The following ASL variants were observed in gnomAD, a reference collection of about 807,000 sequenced individuals.
The protein encoded by ASL is argininosuccinase.
ASL carries 51 observed loss-of-function variants against 69.1 expected under a neutral mutation model. That is an observed-to-expected ratio of 0.74 (90% confidence interval 0.59 to 0.93). The LOEUF (loss-of-function observed/expected upper bound fraction) is 0.93, where lower values mean the gene tolerates loss of function less well. Ranked by LOEUF, ASL falls within the 40% of genes least tolerant of loss-of-function variation. The probability of loss-of-function intolerance (pLI) is 0.00; values close to 1 mark genes in which losing one functional copy is unlikely to be tolerated. For synonymous variants in ASL, 241 were observed against 247.6 expected (o/e 0.97, Z 0.25); for missense variants, 540 against 623.9 (o/e 0.87, Z 1.43).
chr7:66,075,839 C>A lies in ASL; in HGVS notation c.-61C>A. On this transcript the variant is annotated 5_prime_UTR_variant, in exon 1 of 17. Coordinates refer to ENST00000304874, the MANE Select transcript of ASL (RefSeq NM_000048.4). ...TGGCCAGTGGCGGGCGCGACACTATCCGTGCGGCCAGGCGGAGGTGAGTGC... is the reference window on the plus strand; with the variant it reads ...TGGCCAGTGGCGGGCGCGACACTATACGTGCGGCCAGGCGGAGGTGAGTGC... The A allele has an allele frequency of 1.9e-6, 1 of 523,218 alleles. No homozygotes were observed. 32.4% of individuals were successfully genotyped at this position (523,218 alleles called of 1,614,324 possible).
intron 2 of ASL, among the ~76,000 whole-genome samples, chr7:66,080,552 G>A (rs1562736296): frequency 6.6e-6 from 1 of 151,186 alleles, no homozygotes; most frequent in Admixed American, 6.6e-5. Flanking sequence ...GTGAAACCCC[G>A]TCTCTACTAA....
At chr7:66,082,839 G>A (rs368487493) in intron 4 of ASL, 41 bp from the exon 5 acceptor site, 2 of 1,611,976 alleles carry the variant, frequency 1.2e-6, no homozygotes, top group Non-Finnish European at 1.7e-6. Context: ...TGACTCCTCT[G>A]GGGGTATAGA....
chr7:66,092,598 G>A lies in ASL; in HGVS notation c.1185G>A (p.Val395=), dbSNP rs371336813. 2 of 1,612,698 alleles carry A rather than the reference G, an allele frequency of 1.2e-6. No homozygotes were observed. Among genetic ancestry groups the A allele is most frequent in the Non-Finnish European group, 1.7e-6 (2 of 1,180,006 alleles). The change falls in exon 16 of 17, where the codon GTG becomes GTA. Residue 395 remains valine, a synonymous_variant. Transcript: ENST00000304874. The part of the protein sequence containing the change: ...RQAHEASGKA[V]FMAETKGVAL... ...CCCACGAGGCCTCCGGGAAAGCTGT[G>A]TTCATGGCCGAGACCAAGGGGGTCG...
At chr7:66,090,166 A>G (rs927203840) in intron 14 of ASL, among the ~76,000 whole-genome samples, 10 of 152,184 alleles carry the variant, frequency 6.6e-5, no homozygotes, top group African/African-American at 2.4e-4. Context: ...TGAACCCAGG[A>G]GATGGAAGTT....
intron 3 of ASL, 79 bp from the exon 4 acceptor site, chr7:66,082,289 A>G: frequency 7.1e-7 from 1 of 1,406,342 alleles, no homozygotes; most frequent in Non-Finnish European, 9.9e-7. Flanking sequence ...CACCAGGGAT[A>G]GGGTGGGACC....
chr7:66,084,235 C>T (rs544943367), intron 6 of ASL, among the ~76,000 whole-genome samples: 1 of 151,180 alleles, frequency 6.6e-6, no homozygotes, highest in South Asian at 2.1e-4. Context: ...TCTGAGCTAA[C>T]TGCAAACTCT....
At position 66,093,327 on chromosome 7, in the gene ASL, A is replaced by C; in HGVS notation, c.*415A>C. 1 of 287,482 alleles carries C rather than the reference A, an allele frequency of 3.5e-6. No individual in the cohort carries two copies. Among genetic ancestry groups the C allele is most frequent in the South Asian group, 3.6e-5 (1 of 27,976 alleles). 17.8% of individuals were successfully genotyped at this position (287,482 alleles called of 1,614,324 possible). A position where few individuals can be genotyped will look rare whatever the true frequency, so the allele number is the denominator to read the frequency against. ...GAGAACCTATCTCTAAAAATAAATA[A>C]ATAAACGAAAAATAAATGGAAGCGG... On this transcript the variant is annotated 3_prime_UTR_variant, in exon 17 of 17. Transcript: ENST00000304874.
rs1336739759 is a variant in ASL, at chr7:66,088,706, T to C, written c.719-101T>C. The stretch of plus-strand genomic sequence containing the variant: ...ACCCCATCTTTGCGAAAAATGAAAA[T>C]TTAGCCGGGTCCCCCCACCGCCTAA... On this transcript the variant is annotated intron_variant, in intron 10 of 16. Coordinates refer to ENST00000304874, the MANE Select transcript of ASL (RefSeq NM_000048.4). The C allele has an allele frequency of 3.0e-6, 3 of 995,660 alleles. No homozygotes were observed. In the African/African-American group the frequency reaches 4.8e-5, roughly 16 times the overall value. 61.7% of individuals were successfully genotyped at this position (995,660 alleles called of 1,614,324 possible).
chr7:66,084,072 C>G (rs997870279), intron 6 of ASL, among the ~76,000 whole-genome samples: 1 of 152,104 alleles, frequency 6.6e-6, no homozygotes, highest in South Asian at 2.1e-4. Context: ...AATTGTCACC[C>G]AGCAGGTGGT....
intron 14 of ASL, among the ~76,000 whole-genome samples, chr7:66,090,613 T>C (rs759562373): frequency 1.3e-5 from 2 of 152,100 alleles, no homozygotes; most frequent in East Asian, 3.9e-4. Flanking sequence ...AATTTATGTA[T>C]ATAACAGCTA....
chr7:66,089,749 G>A, intron 14 of ASL, 54 bp downstream of exon 14: 1 of 1,584,686 alleles, frequency 6.3e-7, no homozygotes, highest in South Asian at 1.1e-5. Flanking sequence ...ACTGGGGTGG[G>A]CATGCGGGGA....
chr7:66,092,593 G>C lies in ASL; in HGVS notation c.1180G>C (p.Ala394Pro). 6.2e-7 allele frequency: 1 copy of C among 1,612,414 alleles called. No homozygotes were observed. Among genetic ancestry groups the C allele is most frequent in the Middle Eastern group, 1.7e-4 (1 of 5,980 alleles). ...CCAGGCCCACGAGGCCTCCGGGAAA[G>C]CTGTGTTCATGGCCGAGACCAAGGG... ...FRQAHEASGKAVFMAETKGVA... is the reference protein window; with the variant it reads ...FRQAHEASGKPVFMAETKGVA... Residue 394 changes from alanine to proline, a missense_variant, in exon 16 of 17, where the codon GCT becomes CCT. Physicochemically the swap from Ala to Pro is conservative, Grantham distance 27. Transcript: ENST00000304874.
chr7:66,077,518 C>G (rs1355839390), intron 2 of ASL, among the ~76,000 whole-genome samples: 1 of 152,152 alleles, frequency 6.6e-6, no homozygotes, highest in African/African-American at 2.4e-5. Flanking sequence ...CACCTGAGGT[C>G]AGGAGTTTGA....
chr7:66,078,671 G>A (rs1786416341), intron 2 of ASL, among the ~76,000 whole-genome samples: 1 of 151,578 alleles, frequency 6.6e-6, no homozygotes, highest in Non-Finnish European at 1.5e-5. Flanking sequence ...GTCTTGCTCT[G>A]TCGCCCAAGC....
chr7:66,082,484 C>A, intron 4 of ASL, 33 bp downstream of exon 4: 1 of 1,593,600 alleles, frequency 6.3e-7, no homozygotes, highest in South Asian at 1.1e-5. Flanking sequence ...GCTTTCCTTG[C>A]CTCCCCTCTC....
Position 66,092,642 on chromosome 7 carries a change from T to C in ASL, c.1229T>C (p.Leu410Pro). 2 of 1,613,714 alleles carry C rather than the reference T, an allele frequency of 1.2e-6. No individual in the cohort carries two copies. Among genetic ancestry groups the C allele is most frequent in the Non-Finnish European group, 1.7e-6 (2 of 1,179,984 alleles). ...GGGGTCGCCCTCAACCAGCTGTCAC[T>C]GCAGGAGCTGCAGACCATCAGGTAC... ...TKGVALNQLS[L>P]QELQTISPLF... Residue 410 changes from leucine (L) to proline (P), a missense_variant, in exon 16 of 17, where the codon CTG (leucine) becomes CCG (proline). Transcript: ENST00000304874.
chr7:66,081,974 C>A lies in ASL; in HGVS notation c.184C>A (p.Gln62Lys). The A allele has an allele frequency of 6.2e-7, 1 of 1,611,442 alleles. No individual in the cohort carries two copies. Among genetic ancestry groups the A allele is most frequent in the Non-Finnish European group, 8.5e-7 (1 of 1,179,034 alleles). ...AGLLTKAEMD[Q>K]ILHGLDKVAE... ...GCTCCTCACCAAGGCCGAGATGGAC[C>A]AGATACTCCATGGCCTAGACAAGGT... is the stretch of plus-strand genomic sequence containing the variant. Residue 62 changes from glutamine (Q) to lysine (K), a missense_variant, in exon 3 of 17, where the codon CAG (glutamine) becomes AAG (lysine). Physicochemically the swap from Gln to Lys is moderately conservative, Grantham distance 53 (BLOSUM62 1). Transcript: ENST00000304874.
Position 66,089,293 on chromosome 7 carries a change from G to T in ASL, c.936G>T (p.Met312Ile). 1 of 1,610,322 alleles carries T rather than the reference G, an allele frequency of 6.2e-7. No homozygotes were observed. The highest frequency in any genetic ancestry group is 8.5e-7 in the Non-Finnish European group (1 of 1,178,372). ...RVFGRCAGLLMTLKGLPSTYN... is the reference protein window; with the variant it reads ...RVFGRCAGLLITLKGLPSTYN... Reference sequence around the variant, plus strand: ...TCCCGCAGTGTGCCGGGCTCCTGATGACCCTCAAGGGACTTCCCAGCACCT... The same window carrying T: ...TCCCGCAGTGTGCCGGGCTCCTGATTACCCTCAAGGGACTTCCCAGCACCT... Residue 312 changes from methionine (M) to isoleucine (I), a missense_variant, in exon 13 of 17, where the codon ATG becomes ATT. Transcript: ENST00000304874.
intron 6 of ASL, among the ~76,000 whole-genome samples, chr7:66,085,377 C>T (rs990102963): frequency 3.9e-5 from 6 of 152,056 alleles, no homozygotes; most frequent in African/African-American, 1.4e-4. Flanking sequence ...ACTTGGGAGG[C>T]AGGAGAATCT....
Sources: gnomAD v4.1 joint callset for allele counts (sites outside exome capture counted in the v4.1 genomes callset) on GRCh38, gnomAD v4.1.1 for gene constraint, MANE v1.5 for transcripts, NCBI Gene and HGNC (gene_info 2026-07-23, HGNC 2026-07-21) for gene names.